BSND: variants seen among roughly 807,000 people sequenced by gnomAD.
BSND encodes the protein barttin CLCNK type accessory subunit beta, also known as barttin.
A neutral mutation model predicts 18.8 loss-of-function variants in BSND; 13 were observed. That is an observed-to-expected ratio of 0.69 (90% CI 0.45 to 1.10). The LOEUF (loss-of-function observed/expected upper bound fraction) is 1.10. Among genes scored for constraint, BSND ranks in the 50% least tolerant of loss-of-function variants. The pLI is 0.00. For synonymous variants in BSND, 170 were observed against 161.8 expected (o/e 1.05, Z -0.39); for missense variants, 379 against 416.7 (o/e 0.91, Z 0.79).
intron 1 of BSND, among the ~76,000 whole-genome samples, chr1:55,004,132 G>A (rs552551904): frequency 2.6e-5 from 4 of 152,192 alleles, no homozygotes; most frequent in African/African-American, 9.7e-5. Context: ...TAATGTCCTC[G>A]AGGTTCAGTG....
At chr1:54,999,726 C>G (rs1367685502) in intron 1 of BSND, among the ~76,000 whole-genome samples, 4 of 152,242 alleles carry the variant, frequency 2.6e-5, no homozygotes, top group African/African-American at 4.8e-5. Flanking sequence ...AGCCCTCATC[C>G]TAAGCCTTTT....
At chr1:54,999,560 C>T (rs1644351281) in intron 1 of BSND, among the ~76,000 whole-genome samples, 197 bp downstream of exon 1, 1 of 151,500 alleles carries the variant, frequency 6.6e-6, no homozygotes, top group African/African-American at 2.4e-5. Flanking sequence ...TCCATCCATC[C>T]CTTAGCCTAA....
Position 54,999,488 on chromosome 1 carries a change from G to A in BSND, c.177+125G>A, listed in dbSNP as rs559086543. 8.6e-5 allele frequency: 88 copies of A among 1,022,350 alleles called. No homozygotes were observed. In the African/African-American group the frequency reaches 1.4e-3, roughly 16 times the overall value. 63.3% of individuals were successfully genotyped at this position (1,022,350 alleles called of 1,614,324 possible). ...CTTTTCATTCTTCTCATTTTGACTC[G>A]GTCTTCTCTCTGCTCTCCTGAGCGT... On this transcript the variant is annotated intron_variant, in intron 1 of 3. Coordinates refer to ENST00000651561, the MANE Select transcript of BSND (RefSeq NM_057176.3).
chr1:55,014,356 C>T lies in BSND; in HGVS notation c.*5728C>T, dbSNP rs1644438680. ...CTGTGACTTTGGCCAGGAGACTTAGCCTCTCTGGCCCTCAATTTCCTTATT... is the reference window on the plus strand; with the variant it reads ...CTGTGACTTTGGCCAGGAGACTTAGTCTCTCTGGCCCTCAATTTCCTTATT... On this transcript the variant is annotated 3_prime_UTR_variant, in exon 4 of 4. Coordinates refer to ENST00000651561, the MANE Select transcript of BSND (RefSeq NM_057176.3). Among the ~76,000 whole-genome samples, 1 of 152,226 alleles carries T rather than the reference C, an allele frequency of 6.6e-6. No homozygotes were observed. The highest frequency in any genetic ancestry group is 2.4e-5 in the African/African-American group (1 of 41,446).
At position 55,012,818 on chromosome 1, in the gene BSND, GC is replaced by G. The variant is rs769261926; in HGVS notation, c.*4191del. Among the ~76,000 whole-genome samples, 9 of 152,202 alleles carry G rather than the reference GC, an allele frequency of 5.9e-5. No individual in the cohort carries two copies. Among genetic ancestry groups the G allele is most frequent in the Non-Finnish European group, 8.8e-5 (6 of 68,030 alleles). The stretch of plus-strand genomic sequence containing the variant: ...CCTCCTGTGGGGCAGGAGGGGAGCA[GC>G]ATGCTGAGTGAGAGAGGCAGCACCC... On this transcript the variant is annotated 3_prime_UTR_variant, in exon 4 of 4. Coordinates refer to ENST00000651561, the MANE Select transcript of BSND (RefSeq NM_057176.3).
intron 1 of BSND, among the ~76,000 whole-genome samples, chr1:55,004,254 T>C (rs1356489582): frequency 3.3e-5 from 5 of 152,276 alleles, no homozygotes; most frequent in Admixed American, 2.6e-4. Flanking sequence ...TTGGGTTGCA[T>C]CTACCTCTTG....
chr1:55,009,422 A>ACT lies in BSND; in HGVS notation c.*794_*795insCT, dbSNP rs1191675132. ...GGCTGCCTGCCTCCCGTTGAAGGGC[A>ACT]GCATCTTGACTTTACTCACCTTGAG... On this transcript the variant is annotated 3_prime_UTR_variant, in exon 4 of 4. Transcript: ENST00000651561. 4 of 152,510 alleles carry ACT rather than the reference A, an allele frequency of 2.6e-5. No homozygotes were observed. The highest frequency in any genetic ancestry group is 5.9e-5 in the Non-Finnish European group (4 of 68,264). The allele number at this position is 152,510 out of a possible 1,614,324, so 9.4% of individuals were successfully genotyped here.
In BSND at chr1:55,009,022, A is replaced by C; in HGVS notation, c.*394A>C. On this transcript the variant is annotated 3_prime_UTR_variant, in exon 4 of 4. Transcript: ENST00000651561. ...TTGTGTCTTATAGTCCACTTGGTAG[A>C]TGGCGTGATCCGTCTTTACACAGAG... The C allele has an allele frequency of 3.0e-6, 1 of 332,086 alleles. No homozygotes were observed. The highest frequency in any genetic ancestry group is 2.6e-5 in the South Asian group (1 of 38,190). The allele number at this position is 332,086 out of a possible 1,614,324, so 20.6% of individuals were successfully genotyped here. A position where few individuals can be genotyped will look rare whatever the true frequency, so the allele number is the denominator to read the frequency against.
rs554976689 is a variant in BSND, at chr1:55,015,688, AC to A, written c.*7065del. ...AAACACTATGCACCTGCTTTGTGCC[AC>A]CCCCTGTGCTAGGTACTGGGGGAAG... is the stretch of plus-strand genomic sequence containing the variant. On this transcript the variant is annotated 3_prime_UTR_variant, in exon 4 of 4. Transcript: ENST00000651561. Among the ~76,000 whole-genome samples, 36 of 151,848 alleles carry A rather than the reference AC, an allele frequency of 2.4e-4. No homozygotes were observed. The highest frequency in any genetic ancestry group is 4.7e-4 in the Non-Finnish European group (32 of 67,962).
At position 55,012,253 on chromosome 1, in the gene BSND, G is replaced by A. The variant is rs1644425970; in HGVS notation, c.*3625G>A. Among the ~76,000 whole-genome samples the A allele has an allele frequency of 1.3e-5, 2 of 152,156 alleles. No individual in the cohort carries two copies. On this transcript the variant is annotated 3_prime_UTR_variant, in exon 4 of 4. Coordinates refer to ENST00000651561, the MANE Select transcript of BSND (RefSeq NM_057176.3). Reference sequence around the variant, plus strand: ...TGAGGGTGGGCAAGATTCCACTTCTGCTCCCAGTCCCTGAGCACTGTGTGC... The same window carrying A: ...TGAGGGTGGGCAAGATTCCACTTCTACTCCCAGTCCCTGAGCACTGTGTGC...
intron 2 of BSND, among the ~76,000 whole-genome samples, chr1:55,006,110 G>T (rs920943110): frequency 6.6e-6 from 1 of 152,206 alleles, no homozygotes. Flanking sequence ...GATGATCTCT[G>T]CTTTGCTTGG....
Position 55,011,476 on chromosome 1 carries a change from T to C in BSND, c.*2848T>C, listed in dbSNP as rs1644422244. On this transcript the variant is annotated 3_prime_UTR_variant, in exon 4 of 4. Coordinates refer to ENST00000651561, the MANE Select transcript of BSND (RefSeq NM_057176.3). Reference sequence around the variant, plus strand: ...GAATCTTGGAAGTGATGGGGGTGTTTGATGGGACCTATCTTGTCAATGCCC... The same window carrying C: ...GAATCTTGGAAGTGATGGGGGTGTTCGATGGGACCTATCTTGTCAATGCCC... 6.6e-6 allele frequency: 1 copy of C among 152,178 alleles called. No individual in the cohort carries two copies. The highest frequency in any genetic ancestry group is 6.5e-5 in the Admixed American group (1 of 15,276). 9.4% of individuals were successfully genotyped at this position (152,178 alleles called of 1,614,324 possible). A position where few individuals can be genotyped will look rare whatever the true frequency, so the allele number is the denominator to read the frequency against.
At position 54,999,345 on chromosome 1, in the gene BSND, G is replaced by A. The variant is rs1221980835; in HGVS notation, c.159G>A (p.Met53Ile). The change falls in exon 1 of 4, where the codon ATG becomes ATA. Residue 53 changes from methionine (M) to isoleucine (I), a missense_variant. Coordinates refer to ENST00000651561, the MANE Select transcript of BSND (RefSeq NM_057176.3). ...TGATCGGGGGCATCATCTGGAGCAT[G>A]TGCCAGTGCTACCCCAAGGTAGGTG... ...VMVIGGIIWS[M>I]CQCYPKITFV... 4 of 1,611,286 alleles carry A rather than the reference G, an allele frequency of 2.5e-6. No homozygotes were observed. In the Admixed American group the frequency reaches 5.0e-5, roughly 20 times the overall value.
rs569005660 is a variant in BSND at position 55,001,582 on chromosome 1, G to A, written c.177+2219G>A. The stretch of plus-strand genomic sequence containing the variant: ...GCTCTCTGTGCCAGACCTATGGAAA[G>A]TTTTGATAAATGGGGAGATATAAAT... On this transcript the variant is annotated intron_variant, in intron 1 of 3. Coordinates refer to ENST00000651561, the MANE Select transcript of BSND (RefSeq NM_057176.3). 3.9e-5 allele frequency among the ~76,000 whole-genome samples: 6 copies of A among 152,236 alleles called. No homozygotes were observed. The South Asian group carries it at 1.2e-3, about 32-fold the overall frequency.
Position 54,999,371 on chromosome 1 carries a change from G to C in BSND, c.177+8G>C. On this transcript the variant is annotated splice_region_variant and intron_variant, in intron 1 of 3. Transcript: ENST00000651561. Reference sequence around the variant, plus strand: ...TGCCAGTGCTACCCCAAGGTAGGTGGTAGTGGGGCTGGGTGGGGCCAGGTC... The same window carrying C: ...TGCCAGTGCTACCCCAAGGTAGGTGCTAGTGGGGCTGGGTGGGGCCAGGTC... The C allele has an allele frequency of 1.2e-6, 2 of 1,604,080 alleles. No individual in the cohort carries two copies. The highest frequency in any genetic ancestry group is 1.7e-6 in the Non-Finnish European group (2 of 1,172,574).
Position 55,009,076 on chromosome 1 carries a change from C to G in BSND, c.*448C>G, listed in dbSNP as rs1344464683. 8.4e-6 allele frequency: 2 copies of G among 239,104 alleles called. No homozygotes were observed. The highest frequency in any genetic ancestry group is 1.6e-5 in the Non-Finnish European group (2 of 121,554). 14.8% of individuals were successfully genotyped at this position (239,104 alleles called of 1,614,324 possible). On this transcript the variant is annotated 3_prime_UTR_variant, in exon 4 of 4. Coordinates refer to ENST00000651561, the MANE Select transcript of BSND (RefSeq NM_057176.3). ...GCCTCATCTCCTCCTGGGCCACATT[C>G]CTCCTGCAGCTCCCATCGCTCCTTG... is the stretch of plus-strand genomic sequence containing the variant.
rs1299179049 is a variant in BSND at position 55,009,144 on chromosome 1, A to G, written c.*516A>G. On this transcript the variant is annotated 3_prime_UTR_variant, in exon 4 of 4. Transcript: ENST00000651561. ...TCTGTGACTGACCCCTGCTGACCTC[A>G]TTCTCTCTGCTCCTCCAGTTCCAAG... is the stretch of plus-strand genomic sequence containing the variant. The G allele has an allele frequency of 1.1e-5, 2 of 181,986 alleles. No homozygotes were observed. The highest frequency in any genetic ancestry group is 3.0e-4 in the East Asian group (2 of 6,732). The allele number at this position is 181,986 out of a possible 1,614,324, so 11.3% of individuals were successfully genotyped here.
In BSND at chr1:55,011,109, C is replaced by T. The variant is rs1228373605; in HGVS notation, c.*2481C>T. 6 of 152,340 alleles carry T rather than the reference C, an allele frequency of 3.9e-5. 1 individual carries two copies. Among genetic ancestry groups the T allele is most frequent in the Middle Eastern group, 6.8e-3 (2 of 296 alleles). 9.4% of individuals were successfully genotyped at this position (152,340 alleles called of 1,614,324 possible). On this transcript the variant is annotated 3_prime_UTR_variant, in exon 4 of 4. Transcript: ENST00000651561. ...CAGTGGCTTTAGACTTAAACAAGAGCCTCTGGTTGCTGGGCCTGCCAGCAG... is the reference window on the plus strand; with the variant it reads ...CAGTGGCTTTAGACTTAAACAAGAGTCTCTGGTTGCTGGGCCTGCCAGCAG...
In BSND at chr1:55,008,160, C is replaced by T. The variant is rs554899983; in HGVS notation, c.549-54C>T. On this transcript the variant is annotated intron_variant, in intron 3 of 3. Transcript: ENST00000651561. Reference sequence around the variant, plus strand: ...TTGCAGCTAGCGGCTGGAATGTGGACCCAGGCATTCTGACTCAGAGATACC... The same window carrying T: ...TTGCAGCTAGCGGCTGGAATGTGGATCCAGGCATTCTGACTCAGAGATACC... The T allele has an allele frequency of 1.7e-4, 256 of 1,517,030 alleles. No individual in the cohort carries two copies. The East Asian group carries it at 4.3e-3, about 26-fold the overall frequency. 94.0% of individuals were successfully genotyped at this position (1,517,030 alleles called of 1,614,324 possible).
Sources: allele counts gnomAD v4.1 joint callset (sites outside exome capture counted in the v4.1 genomes callset), GRCh38; gene constraint gnomAD v4.1.1; transcripts MANE v1.5; gene names NCBI Gene and HGNC (gene_info 2026-07-23, HGNC 2026-07-21).